Variants in CPM observed in about 807,000 individuals in gnomAD.
The protein encoded by CPM is carboxypeptidase M, also known as renal carboxypeptidase.
CPM carries 35 observed loss-of-function variants against 46.4 expected under a neutral mutation model. The observed-to-expected ratio is 0.75, with a 90% CI of 0.58 to 1.00. The LOEUF (loss-of-function observed/expected upper bound fraction) is 1.00. Among genes scored for constraint, CPM ranks in the 50% least tolerant of loss-of-function variants. The probability of loss-of-function intolerance (pLI) is 0.00; values close to 1 mark genes in which losing one functional copy is unlikely to be tolerated. For synonymous variants in CPM, 195 were observed against 195.3 expected (o/e 1.00, Z 0.01); for missense variants, 422 against 530.4 (o/e 0.80, Z 2.01).
Position 68,856,671 on chromosome 12 carries a change from G to T in CPM, c.1098C>A (p.Val366=), listed in dbSNP as rs1320121322. 1 of 1,613,576 alleles carries T rather than the reference G, an allele frequency of 6.2e-7. No homozygotes were observed. Among genetic ancestry groups the T allele is most frequent in the South Asian group, 1.1e-5 (1 of 91,070 alleles). ...LPGSYIINVT[V]PGHDPHITKV... is the part of the protein sequence containing the mutation. ...TTGTGATGTGTGGATCATGTCCAGGGACTGTAACCTGAGAAGAAACAAGAG... is the reference window on the plus strand; with the variant it reads ...TTGTGATGTGTGGATCATGTCCAGGTACTGTAACCTGAGAAGAAACAAGAG... Residue 366 remains valine (V), a synonymous_variant, in exon 9 of 9, where the codon GTC becomes GTA. Coordinates refer to ENST00000551568, the MANE Select transcript of CPM (RefSeq NM_198320.5).
intron 8 of CPM, among the ~76,000 whole-genome samples, chr12:68,858,473 G>C (rs1592631510): frequency 6.6e-6 from 1 of 152,266 alleles, no homozygotes; most frequent in Non-Finnish European, 1.5e-5. Flanking sequence ...GCTGAATATA[G>C]TGTTAAAATT....
chr12:68,949,331 A>G (rs893554192), intron 1 of CPM, among the ~76,000 whole-genome samples: 4 of 152,232 alleles, frequency 2.6e-5, no homozygotes, highest in African/African-American at 4.8e-5. Context: ...TGATTGTACC[A>G]CAGCACTTTA....
intron 4 of CPM, 40 bp from the exon 5 acceptor site, chr12:68,870,439 A>G: frequency 6.4e-7 from 1 of 1,559,360 alleles, no homozygotes; most frequent in East Asian, 2.2e-5. Flanking sequence ...TTGATAGGGC[A>G]TGAGGGAGTG....
chr12:68,865,756 AG>A (rs1250551832), intron 7 of CPM, among the ~76,000 whole-genome samples: 1 of 152,144 alleles, frequency 6.6e-6, no homozygotes, highest in Non-Finnish European at 1.5e-5. Context: ...AATATAGAAG[AG>A]CCTTCCACAC....
At chr12:68,905,246 C>T (rs189335313) in intron 2 of CPM, among the ~76,000 whole-genome samples, 56 of 152,078 alleles carry the variant, frequency 3.7e-4, no homozygotes, top group African/African-American at 1.2e-3. Context: ...TCTCATGATA[C>T]GCATGAGAAG....
rs1230083798 is a variant in CPM, at chr12:68,853,176, G to T, written c.*3261C>A. 6.6e-6 allele frequency: 1 copy of T among 152,182 alleles called. No individual in the cohort carries two copies. Among genetic ancestry groups the T allele is most frequent in the Admixed American group, 6.5e-5 (1 of 15,278 alleles). The allele number at this position is 152,182 out of a possible 1,614,324, so 9.4% of individuals were successfully genotyped here. On this transcript the variant is annotated 3_prime_UTR_variant, in exon 9 of 9. Coordinates refer to ENST00000551568, the MANE Select transcript of CPM (RefSeq NM_198320.5). ...ACATTAAGGCTCATGAACTAATTCA[G>T]ATTTTTGTTCGTGTCTCTTCAAAAA...
intron 1 of CPM, among the ~76,000 whole-genome samples, chr12:68,952,213 G>T (rs1276245734): frequency 6.6e-6 from 1 of 152,176 alleles, no homozygotes; most frequent in African/African-American, 2.4e-5. Context: ...AGAACAGAAT[G>T]CAAATATGTT....
intron 2 of CPM, among the ~76,000 whole-genome samples, chr12:68,887,227 G>A (rs138794983): frequency 6.6e-5 from 10 of 152,296 alleles, no homozygotes; most frequent in Admixed American, 3.9e-4. Flanking sequence ...ATGTGGGTAT[G>A]TTTGATATCC....
chr12:68,936,392 C>CTT (rs201308286), upstream of CPM, among the ~76,000 whole-genome samples: 2 of 151,186 alleles, frequency 1.3e-5, no homozygotes, highest in East Asian at 1.9e-4. Flanking sequence ...TTTCTTTCTT[C>CTT]TTTTTTTTTG....
intron 2 of CPM, among the ~76,000 whole-genome samples, chr12:68,907,121 G>A (rs887652741): frequency 6.6e-6 from 1 of 152,214 alleles, no homozygotes; most frequent in Non-Finnish European, 1.5e-5. Context: ...TTGCACCAGA[G>A]CAGTGGCTCT....
intron 2 of CPM, among the ~76,000 whole-genome samples, chr12:68,907,164 T>C (rs1232384905): frequency 1.3e-5 from 2 of 152,234 alleles, no homozygotes. Context: ...CCTTCTAGCA[T>C]GGTCTGATAA....
chr12:68,849,425 T>C (rs55664411), downstream of CPM: 3,015 of 149,362 alleles, frequency 0.02, 55 homozygotes, highest in Non-Finnish European at 0.028. Context: ...TTTGTTCGTT[T>C]GTTTGTTTTG....
Position 68,859,080 on chromosome 12 carries a change from CA to C in CPM, c.941-10del. 1.4e-6 allele frequency: 2 copies of C among 1,435,914 alleles called. No individual in the cohort carries two copies. The highest frequency in any genetic ancestry group is 9.2e-7 in the Non-Finnish European group (1 of 1,091,208). The allele number at this position is 1,435,914 out of a possible 1,614,324, so 88.9% of individuals were successfully genotyped here. ...AACTTGACCCTTTACACCTGCAAGACAAAAATAAAATTAAATATTAATACCA... is the reference window on the plus strand; with the variant it reads ...AACTTGACCCTTTACACCTGCAAGACAAAATAAAATTAAATATTAATACCA... On this transcript the variant is annotated splice_polypyrimidine_tract_variant and intron_variant, in intron 7 of 8. Transcript: ENST00000551568.
At chr12:68,939,209 G>T (rs1888722499) in intron 1 of CPM, among the ~76,000 whole-genome samples, 3 of 145,082 alleles carry the variant, frequency 2.1e-5, no homozygotes, top group Non-Finnish European at 3.0e-5. Flanking sequence ...ATCCCATAAT[G>T]TATATGATGT....
Position 68,922,456 on chromosome 12 carries a change from T to C in CPM, c.160+10222A>G, listed in dbSNP as rs139945060. 2.2e-3 allele frequency among the ~76,000 whole-genome samples: 329 copies of C among 152,340 alleles called. 4 individuals carry two copies. The highest frequency in any genetic ancestry group is 3.9e-3 in the Non-Finnish European group (264 of 68,034). On this transcript the variant is annotated intron_variant, in intron 2 of 8. Coordinates refer to ENST00000551568, the MANE Select transcript of CPM (RefSeq NM_198320.5). ...TTAAACAAACAGAAGGATTACTTAA[T>C]TGGCTTCTCCTGAATTCTGTGATAG... is the stretch of plus-strand genomic sequence containing the variant.
chr12:68,917,319 A>G (rs1022220820), intron 2 of CPM, among the ~76,000 whole-genome samples: 7 of 152,244 alleles, frequency 4.6e-5, no homozygotes, highest in African/African-American at 1.2e-4. Context: ...CCTTCAGGGC[A>G]GGTGCCATGT....
intron 5 of CPM, chr12:68,842,771 T>A (rs1795473): frequency 5.2e-6 from 1 of 192,618 alleles, no homozygotes; most frequent in Non-Finnish European, 1.1e-5. Flanking sequence ...CAACAGTTTG[T>A]ATGAAAATAG....
chr12:68,963,069 C>G (rs1184770518), intron 1 of CPM: 2 of 153,090 alleles, frequency 1.3e-5, no homozygotes, highest in Non-Finnish European at 2.9e-5. Flanking sequence ...TGTCCTTAAC[C>G]TTGGCAAAGT....
chr12:68,932,923 T>C, intron 1 of CPM, 83 bp from the exon 2 acceptor site: 2 of 1,298,946 alleles, frequency 1.5e-6, no homozygotes, highest in Non-Finnish European at 2.2e-6. Flanking sequence ...GGTACTCCGG[T>C]CTCAGGGTCT....
Sources: gnomAD v4.1 joint callset for allele counts (sites outside exome capture counted in the v4.1 genomes callset) on GRCh38, gnomAD v4.1.1 for gene constraint, MANE v1.5 for transcripts, NCBI Gene and HGNC (gene_info 2026-07-23, HGNC 2026-07-21) for gene names.